Variants in ZNF512 observed in about 807,000 individuals in gnomAD.
The protein encoded by ZNF512 is zinc finger protein 512.
In ZNF512, 25 loss-of-function variants were observed where a neutral mutation model predicts 77.5. The observed-to-expected ratio is 0.32, with a 90% CI of 0.23 to 0.45. ZNF512 has a LOEUF of 0.45. Ranked by LOEUF, ZNF512 falls within the 20% of genes least tolerant of loss-of-function variation. The pLI is 1.00. For missense variants in ZNF512, 483 were observed against 692.6 expected, an observed-to-expected ratio of 0.70 and a Z score of 3.40; for synonymous variants, 246 against 239.9, an observed-to-expected ratio of 1.03 and a Z score of -0.24.
rs147458900 is a variant in ZNF512, at chr2:27,603,007, G to A, written c.769-133G>A. 31 of 985,114 alleles carry A rather than the reference G, an allele frequency of 3.1e-5. 1 individual carries two copies. Among genetic ancestry groups the A allele is most frequent in the Middle Eastern group, 2.9e-4 (1 of 3,448 alleles). 61.0% of individuals were successfully genotyped at this position (985,114 alleles called of 1,614,324 possible). On this transcript the variant is annotated intron_variant, in intron 8 of 13. Coordinates refer to ENST00000355467, the MANE Select transcript of ZNF512 (RefSeq NM_032434.4). Reference sequence around the variant, plus strand: ...AGGAAGGGTTGTGCTGATGGGAGATGTTGGAGAGGGTCTACTGAAATCAGA... The same window carrying A: ...AGGAAGGGTTGTGCTGATGGGAGATATTGGAGAGGGTCTACTGAAATCAGA...
intron 2 of ZNF512, among the ~76,000 whole-genome samples, chr2:27,597,198 G>A (rs1304753778): frequency 6.6e-6 from 1 of 152,116 alleles, no homozygotes; most frequent in East Asian, 1.9e-4. Flanking sequence ...TACATCTAAA[G>A]TGTTACCTTG....
chr2:27,603,008 T>C (rs1438566733), intron 8 of ZNF512, 132 bp from the exon 9 acceptor site: 1 of 991,748 alleles, frequency 1.0e-6, no homozygotes, highest in Non-Finnish European at 1.5e-6. Flanking sequence ...ATGGGAGATG[T>C]TGGAGAGGGT....
At chr2:27,583,497 G>A (rs1443099107) in intron 1 of ZNF512, 161 bp from the exon 2 acceptor site, 2 of 1,489,816 alleles carry the variant, frequency 1.3e-6, no homozygotes, top group East Asian at 2.5e-5. Context: ...TGCACTGCTG[G>A]AAGATAGGAC....
intron 2 of ZNF512, among the ~76,000 whole-genome samples, chr2:27,592,714 C>T (rs1271560973): frequency 4.6e-5 from 4 of 86,902 alleles, no homozygotes; most frequent in East Asian, 3.2e-4. Flanking sequence ...GACAGAGTTT[C>T]GCTCTTGTTG....
intron 10 of ZNF512, among the ~76,000 whole-genome samples, chr2:27,611,058 T>G (rs888022986): frequency 6.6e-6 from 1 of 152,172 alleles, no homozygotes; most frequent in Non-Finnish European, 1.5e-5. Flanking sequence ...ACCATTCTTA[T>G]TAGCTTCTTG....
At chr2:27,607,343 C>T (rs576789434) in intron 9 of ZNF512, among the ~76,000 whole-genome samples, 8 of 148,768 alleles carry the variant, frequency 5.4e-5, no homozygotes, top group East Asian at 2.0e-4. Context: ...TCTTTGTATA[C>T]GAATGTGTCT....
intron 10 of ZNF512, among the ~76,000 whole-genome samples, chr2:27,611,158 A>G (rs1558475271): frequency 6.6e-6 from 1 of 152,224 alleles, no homozygotes; most frequent in Non-Finnish European, 1.5e-5. Context: ...TAGACTAGTT[A>G]GCAGAGTTTC....
chr2:27,592,316 T>A (rs1446087486), intron 2 of ZNF512, among the ~76,000 whole-genome samples: 1 of 151,506 alleles, frequency 6.6e-6, no homozygotes, highest in African/African-American at 2.4e-5. Flanking sequence ...TTTATTTATT[T>A]TTATTTTTTT....
In ZNF512 at chr2:27,621,711, T is replaced by C. The variant is rs190267155; in HGVS notation, c.*250T>C. 2.5e-5 allele frequency: 10 copies of C among 406,022 alleles called. No individual in the cohort carries two copies. Among genetic ancestry groups the C allele is most frequent in the African/African-American group, 1.4e-4 (7 of 49,746 alleles). 25.2% of individuals were successfully genotyped at this position (406,022 alleles called of 1,614,324 possible). A position where few individuals can be genotyped will look rare whatever the true frequency, so the allele number is the denominator to read the frequency against. On this transcript the variant is annotated 3_prime_UTR_variant, in exon 14 of 14. Coordinates refer to ENST00000355467, the MANE Select transcript of ZNF512 (RefSeq NM_032434.4). ...TTTTTATCTTGCCCAAAGAGCTCCCTCTCAAGGCCAACTATAGGCTCCTCT... is the reference window on the plus strand; with the variant it reads ...TTTTTATCTTGCCCAAAGAGCTCCCCCTCAAGGCCAACTATAGGCTCCTCT...
chr2:27,612,983 T>C (rs1198612402), intron 10 of ZNF512, among the ~76,000 whole-genome samples: 3 of 152,188 alleles, frequency 2.0e-5, no homozygotes. Context: ...CAAAGAGATA[T>C]GTTCTGAGTC....
intron 10 of ZNF512, among the ~76,000 whole-genome samples, chr2:27,611,058 T>C (rs888022986): frequency 6.6e-6 from 1 of 152,172 alleles, no homozygotes; most frequent in Admixed American, 6.5e-5. Context: ...ACCATTCTTA[T>C]TAGCTTCTTG....
Position 27,599,632 on chromosome 2 carries a change from A to C in ZNF512, c.327A>C (p.Glu109Asp), listed in dbSNP as rs1221114622. The change falls in exon 4 of 14, where the codon GAA (glutamate) becomes GAC (aspartate). Residue 109 changes from glutamate to aspartate, a missense_variant. Glu to Asp is a conservative substitution (Grantham distance 45). Around this residue, in one of 2 missense-constraint regions of ZNF512, gnomAD observed 159 missense variants for 167.5 expected, o/e 0.95. Coordinates refer to ENST00000355467, the MANE Select transcript of ZNF512 (RefSeq NM_032434.4). The part of the protein sequence containing the change: ...AKGKRKPRQE[E>D]DEDYREFPQK... ...GGAAAAGGAAACCCAGGCAGGAAGA[A>C]GATGAAGACTATCGAGAATTTCCTC... The C allele has an allele frequency of 6.2e-7, 1 of 1,614,236 alleles. No individual in the cohort carries two copies. The highest frequency in any genetic ancestry group is 2.2e-5 in the East Asian group (1 of 44,888).
At chr2:27,611,022 C>A (rs1375373808) in intron 10 of ZNF512, among the ~76,000 whole-genome samples, 3 of 152,104 alleles carry the variant, frequency 2.0e-5, no homozygotes, top group Non-Finnish European at 2.9e-5. Flanking sequence ...CCACCTTGTC[C>A]TTGTTCTGTC....
chr2:27,601,496 A>T, intron 7 of ZNF512, 54 bp downstream of exon 7: 6 of 1,440,636 alleles, frequency 4.2e-6, no homozygotes, highest in Non-Finnish European at 4.8e-6. Context: ...TTTTTTTGAG[A>T]TGGAGTCTCA....
chr2:27,598,917 CCTT>C lies in ZNF512; in HGVS notation c.278-663_278-661del, dbSNP rs1455988465. Among the ~76,000 whole-genome samples the C allele has an allele frequency of 3.9e-5, 6 of 152,096 alleles. No homozygotes were observed. In the East Asian group the frequency reaches 1.2e-3, roughly 29 times the overall value. Reference sequence around the variant, plus strand: ...CTCGAGCTCAGGCTCACCGCACCCTCCTTCTCCTGGGTTCAAGCGATTCTCCTG... The same window carrying C: ...CTCGAGCTCAGGCTCACCGCACCCTCCTCCTGGGTTCAAGCGATTCTCCTG... On this transcript the variant is annotated intron_variant, in intron 3 of 13. Coordinates refer to ENST00000355467, the MANE Select transcript of ZNF512 (RefSeq NM_032434.4).
chr2:27,593,195 TACACACACACACACACACACACACACAC>T (rs57568574), intron 2 of ZNF512, among the ~76,000 whole-genome samples: 3 of 112,078 alleles, frequency 2.7e-5, no homozygotes, highest in Non-Finnish European at 5.3e-5. Flanking sequence ...ACCCTGTCTC[TACACACACACACACACACACACACACAC>T]ACACACACAC....
intron 10 of ZNF512, among the ~76,000 whole-genome samples, chr2:27,610,544 G>GTGTGTGCATATATATATATATATATA (rs1413007886): frequency 6.1e-5 from 2 of 32,654 alleles, no homozygotes; most frequent in African/African-American, 2.9e-4. Flanking sequence ...ATATGTGTGT[G>GTGTGTGCATATATATATATATATATA]TATATATATA....
rs117655217 is a variant in ZNF512, at chr2:27,600,099, T to C, written c.457+46T>C. Reference sequence around the variant, plus strand: ...TTTGAGGGATGTAGTTCTCACACTCTGATTTGTTGTTGGTGTTGTCTGTGA... The same window carrying C: ...TTTGAGGGATGTAGTTCTCACACTCCGATTTGTTGTTGGTGTTGTCTGTGA... On this transcript the variant is annotated intron_variant, in intron 5 of 13. Transcript: ENST00000355467. 1.6e-3 allele frequency: 2,566 copies of C among 1,587,588 alleles called. 57 individuals are homozygous for C. The East Asian group carries it at 0.047, about 29-fold the overall frequency.
Position 27,621,111 on chromosome 2 carries a change from C to G in ZNF512, c.1396-42C>G, listed in dbSNP as rs1201818385. ...CCTCCACCTTTCTTTATGTTCTTCA[C>G]TATATTTTCGACTGGATGACATTTC... On this transcript the variant is annotated intron_variant, in intron 13 of 13. Transcript: ENST00000355467. 2.5e-6 allele frequency: 4 copies of G among 1,586,382 alleles called. No individual in the cohort carries two copies. In the Admixed American group the frequency reaches 7.2e-5, roughly 29 times the overall value.
Sources: allele counts gnomAD v4.1 joint callset (sites outside exome capture counted in the v4.1 genomes callset), GRCh38; gene constraint gnomAD v4.1.1; regional missense constraint gnomAD v4.1.1; transcripts MANE v1.5; gene names NCBI Gene and HGNC (gene_info 2026-07-23, HGNC 2026-07-21).